The following ARFGEF3 variants were observed in gnomAD, a reference collection of about 807,000 sequenced individuals.
ARFGEF3 encodes brefeldin A-inhibited guanine nucleotide-exchange protein 3.
A neutral mutation model predicts 221.7 loss-of-function variants in ARFGEF3; 96 were observed. The ratio of observed to expected loss-of-function variants is 0.43; its 90% CI spans 0.37 to 0.51. ARFGEF3 has a LOEUF of 0.51. Ranked by LOEUF, ARFGEF3 falls within the 20% of genes least tolerant of loss-of-function variation. ARFGEF3 has a pLI of 0.00. For missense variants in ARFGEF3, 2,410 were observed against 2,789.9 expected, an observed-to-expected ratio of 0.86 and a Z score of 3.07; for synonymous variants, 1,145 against 1,126.8, an observed-to-expected ratio of 1.02 and a Z score of -0.32.
At chr6:138,299,380 C>T (rs1346537479) in intron 22 of ARFGEF3, among the ~76,000 whole-genome samples, 2 of 151,912 alleles carry the variant, frequency 1.3e-5, no homozygotes, top group African/African-American at 4.8e-5. Context: ...CCTAGGCAAT[C>T]TGCTGGCCTA....
At chr6:138,245,466 G>A (rs375998882) in intron 7 of ARFGEF3, 47 bp from the exon 8 acceptor site, 9 of 1,341,062 alleles carry the variant, frequency 6.7e-6, no homozygotes, top group African/African-American at 2.9e-5. Flanking sequence ...GGAGCTCGTC[G>A]TGCCCCCTGT....
chr6:138,251,281 T>TG (rs1778577775), intron 8 of ARFGEF3, among the ~76,000 whole-genome samples: 1 of 152,222 alleles, frequency 6.6e-6, no homozygotes, highest in African/African-American at 2.4e-5. Flanking sequence ...ATAGTTGTTT[T>TG]CGTTTTGTGA....
chr6:138,266,137 T>A (rs1001862567), intron 12 of ARFGEF3, among the ~76,000 whole-genome samples: 4 of 151,668 alleles, frequency 2.6e-5, no homozygotes, highest in African/African-American at 7.3e-5. Flanking sequence ...CACTTGGGCC[T>A]GGGAGGTTGA....
intron 2 of ARFGEF3, among the ~76,000 whole-genome samples, chr6:138,181,643 C>T (rs889852698): frequency 9.2e-5 from 14 of 152,268 alleles, no homozygotes; most frequent in African/African-American, 3.1e-4. Flanking sequence ...CGGGTTTTAC[C>T]GTGTTGGCCA....
intron 6 of ARFGEF3, 136 bp from the exon 7 acceptor site, chr6:138,242,816 G>T: frequency 1.5e-6 from 1 of 670,742 alleles, no homozygotes; most frequent in Non-Finnish European, 2.7e-6. Context: ...TGGTGGGTAG[G>T]GGTGGGCTCA....
chr6:138,278,563 GCT>G lies in ARFGEF3; in HGVS notation c.2245_2246del (p.Ser749ProfsTer3). 6.2e-7 allele frequency: 1 copy of G among 1,613,930 alleles called. No homozygotes were observed. Among genetic ancestry groups the G allele is most frequent in the Non-Finnish European group, 8.5e-7 (1 of 1,179,896 alleles). On this transcript the variant is annotated frameshift_variant, in exon 13 of 34. Coordinates refer to ENST00000251691, the MANE Select transcript of ARFGEF3 (RefSeq NM_020340.5). LOFTEE classifies it high-confidence loss of function. ...AHCALLLNLK[L>X]SHGDYYRKRP... ...ACTGCGCCCTGCTCCTCAACCTGAA[GCT>G]CTCCCACGGTGACTACTACAGGAAG...
intron 1 of ARFGEF3, among the ~76,000 whole-genome samples, chr6:138,163,050 A>G (rs1242294682): frequency 6.6e-6 from 1 of 151,638 alleles, no homozygotes; most frequent in African/African-American, 2.4e-5. Context: ...AATGAAATTG[A>G]CTCCCTTTCC....
intron 5 of ARFGEF3, 44 bp downstream of exon 5, chr6:138,229,896 A>T: frequency 6.7e-7 from 1 of 1,501,710 alleles, no homozygotes; most frequent in Non-Finnish European, 9.3e-7. Flanking sequence ...CAGCTGCTTT[A>T]TCTCTGACTG....
At chr6:138,309,175 C>T (rs1779780572) in intron 24 of ARFGEF3, among the ~76,000 whole-genome samples, 1 of 152,114 alleles carries the variant, frequency 6.6e-6, no homozygotes, top group Non-Finnish European at 1.5e-5. Context: ...AAAAGGTTCT[C>T]GGGCTCCAGG....
At chr6:138,272,142 C>CATTT (rs6149826) in intron 12 of ARFGEF3, among the ~76,000 whole-genome samples, 4,555 of 148,732 alleles carry the variant, frequency 0.031, 107 homozygotes, top group East Asian at 0.062. Flanking sequence ...TAGCAGATGC[C>CATTT]ATTTATTTAT....
chr6:138,233,582 T>C (rs746857356), intron 5 of ARFGEF3, among the ~76,000 whole-genome samples: 1 of 152,176 alleles, frequency 6.6e-6, no homozygotes, highest in Non-Finnish European at 1.5e-5. Flanking sequence ...TTTCGCCTTA[T>C]TGGCCAGGCT....
chr6:138,333,753 A>G (rs1437642096), intron 32 of ARFGEF3, among the ~76,000 whole-genome samples: 1 of 152,094 alleles, frequency 6.6e-6, no homozygotes. Flanking sequence ...AGCTTCAGGA[A>G]TTTTTTTAAG....
At chr6:138,323,996 C>T (rs1269267653) in intron 30 of ARFGEF3, 27 bp from the exon 31 acceptor site, 2 of 1,608,136 alleles carry the variant, frequency 1.2e-6, no homozygotes, top group Non-Finnish European at 1.7e-6. Flanking sequence ...AGGATGCATT[C>T]AGTGAGCATC....
chr6:138,183,212 G>C (rs928203743), intron 2 of ARFGEF3, among the ~76,000 whole-genome samples: 1 of 152,100 alleles, frequency 6.6e-6, no homozygotes, highest in Non-Finnish European at 1.5e-5. Context: ...TGAGCAGGTG[G>C]GAGGGCTGCT....
chr6:138,207,155 A>G (rs1309087919), intron 3 of ARFGEF3, 32 bp downstream of exon 3: 2 of 1,550,626 alleles, frequency 1.3e-6, no homozygotes, highest in East Asian at 2.3e-5. Context: ...ATGGGATGAT[A>G]GAAATTGACA....
intron 26 of ARFGEF3, among the ~76,000 whole-genome samples, chr6:138,315,405 C>T (rs1779905535): frequency 6.6e-6 from 1 of 152,150 alleles, no homozygotes; most frequent in African/African-American, 2.4e-5. Context: ...ATCATACCCT[C>T]AAATAGGTCT....
intron 2 of ARFGEF3, among the ~76,000 whole-genome samples, chr6:138,173,623 T>G (rs73563297): frequency 0.018 from 2,737 of 152,314 alleles, 89 homozygotes; most frequent in African/African-American, 0.063. Context: ...AGTGTTCATG[T>G]GTATGTGTGT....
In ARFGEF3 at chr6:138,162,237, C is replaced by T. The variant is rs1582988774; in HGVS notation, c.85+66C>T. The T allele has an allele frequency of 8.2e-7, 1 of 1,226,968 alleles. No individual in the cohort carries two copies. The highest frequency in any genetic ancestry group is 2.7e-5 in the East Asian group (1 of 36,912). The allele number at this position is 1,226,968 out of a possible 1,614,324, so 76.0% of individuals were successfully genotyped here. A position where few individuals can be genotyped will look rare whatever the true frequency, so the allele number is the denominator to read the frequency against. ...GCGGCCGGGGCTGAACCCGCGCCTC[C>T]GCGCGTGGGGCTTTCGCGGAGCGTC... On this transcript the variant is annotated intron_variant, in intron 1 of 33. Transcript: ENST00000251691. This position sits in a 1 kb window ranked among gnomAD's most constrained non-coding sequence, Gnocchi z 4.7.
intron 2 of ARFGEF3, among the ~76,000 whole-genome samples, chr6:138,194,256 A>G (rs1277567180): frequency 2.0e-5 from 3 of 149,968 alleles, no homozygotes; most frequent in African/African-American, 7.4e-5. Context: ...TGACAGAGCA[A>G]GACTCCGTCT....
Sources: allele counts gnomAD v4.1 joint callset (sites outside exome capture counted in the v4.1 genomes callset), GRCh38; gene constraint gnomAD v4.1.1; non-coding constraint Gnocchi (gnomAD v3.1); transcripts MANE v1.5; gene names NCBI Gene and HGNC (gene_info 2026-07-23, HGNC 2026-07-21).